The following WWOX variants were observed in gnomAD, a reference collection of about 807,000 sequenced individuals.
The protein encoded by WWOX is WW domain-containing oxidoreductase.
Under a neutral mutation model 46.2 loss-of-function variants are expected in WWOX, and 69 were observed. The ratio of observed to expected loss-of-function variants is 1.49; its 90% confidence interval spans 1.23 to 1.82. WWOX has a LOEUF of 1.82. WWOX is among the 40% of genes most tolerant of loss of function. The pLI, the probability that WWOX is intolerant of heterozygous loss-of-function variation, is 0.00. For synonymous variants in WWOX, 359 were observed against 202.6 expected (o/e 1.77, Z -6.56); for missense variants, 919 against 542.6 (o/e 1.69, Z -6.89).
chr16:78,290,856 A>G (rs1345080138), intron 5 of WWOX, among the ~76,000 whole-genome samples: 1 of 152,216 alleles, frequency 6.6e-6, no homozygotes, highest in Non-Finnish European at 1.5e-5. Flanking sequence ...AAATTCTTTC[A>G]TAGGAGAAAG....
chr16:78,404,520 T>G (rs1293765244), intron 6 of WWOX, among the ~76,000 whole-genome samples: 2 of 152,170 alleles, frequency 1.3e-5, no homozygotes. Flanking sequence ...CTTCTATTTG[T>G]ATGAATAATA....
intron 8 of WWOX, among the ~76,000 whole-genome samples, chr16:78,737,814 G>A (rs1386693952): frequency 6.6e-6 from 1 of 152,144 alleles, no homozygotes; most frequent in Non-Finnish European, 1.5e-5. Context: ...CAGAAGAGAA[G>A]CCTGTAAACT....
At chr16:78,926,472 G>A (rs1331132340) in intron 8 of WWOX, among the ~76,000 whole-genome samples, 2 of 152,172 alleles carry the variant, frequency 1.3e-5, no homozygotes, top group Admixed American at 6.5e-5. Flanking sequence ...CTGAGTTTGT[G>A]TCTATGGTTT....
At chr16:78,922,881 A>T (rs530145083) in intron 8 of WWOX, among the ~76,000 whole-genome samples, 1 of 152,340 alleles carries the variant, frequency 6.6e-6, no homozygotes, top group Admixed American at 6.5e-5. Context: ...CTTATTAATC[A>T]TACTAAAAAT....
chr16:78,310,508 G>A (rs1451353320), intron 5 of WWOX, among the ~76,000 whole-genome samples: 3 of 152,198 alleles, frequency 2.0e-5, no homozygotes, highest in Admixed American at 6.5e-5. Context: ...TCTAAAGGAC[G>A]TGCCATTGCA....
chr16:78,244,546 T>A (rs142106125), intron 5 of WWOX, among the ~76,000 whole-genome samples: 2,502 of 152,296 alleles, frequency 0.016, 59 homozygotes, highest in African/African-American at 0.053. Flanking sequence ...CTATTTTTAG[T>A]CACGTTGGCC....
chr16:79,044,959 A>G (rs925246629), intron 8 of WWOX, among the ~76,000 whole-genome samples: 2 of 152,214 alleles, frequency 1.3e-5, no homozygotes, highest in African/African-American at 4.8e-5. Context: ...GATAATGTGC[A>G]TAAAGATTTA....
intron 5 of WWOX, among the ~76,000 whole-genome samples, chr16:78,384,821 C>G (rs771644664): frequency 1.7e-4 from 26 of 152,184 alleles, no homozygotes; most frequent in Non-Finnish European, 3.4e-4. Flanking sequence ...AATTTCATCA[C>G]TTTCTACCAC....
At chr16:78,106,082 G>A (rs938627330) in intron 1 of WWOX, among the ~76,000 whole-genome samples, 8 of 152,084 alleles carry the variant, frequency 5.3e-5, no homozygotes, top group Non-Finnish European at 7.4e-5. Flanking sequence ...GATTACAGGC[G>A]TGAGCCACCG....
chr16:78,714,868 G>C (rs1383599644), intron 8 of WWOX, among the ~76,000 whole-genome samples: 2 of 152,192 alleles, frequency 1.3e-5, no homozygotes, highest in South Asian at 2.1e-4. Context: ...AAGCCAGAGA[G>C]AGATTGATAA....
chr16:78,844,720 C>T (rs774062314), intron 8 of WWOX, among the ~76,000 whole-genome samples: 1 of 152,214 alleles, frequency 6.6e-6, no homozygotes, highest in Non-Finnish European at 1.5e-5. Flanking sequence ...GGGCAACTGT[C>T]TGCCTTACAA....
chr16:78,968,209 C>T (rs1203783876), intron 8 of WWOX, among the ~76,000 whole-genome samples: 2 of 149,916 alleles, frequency 1.3e-5, no homozygotes, highest in South Asian at 2.1e-4. Context: ...CATGGCACAG[C>T]ACATGGACAT....
At chr16:78,549,601 C>T (rs902945744) in intron 8 of WWOX, among the ~76,000 whole-genome samples, 4 of 152,058 alleles carry the variant, frequency 2.6e-5, no homozygotes, top group Non-Finnish European at 5.9e-5. Flanking sequence ...ACCATTTGAT[C>T]GAAGAGCTCT....
intron 8 of WWOX, among the ~76,000 whole-genome samples, chr16:79,185,779 G>C (rs1343005385): frequency 1.3e-5 from 2 of 152,180 alleles, no homozygotes; most frequent in South Asian, 4.1e-4. Flanking sequence ...ATAAACGAGA[G>C]GGTGTGGTTC....
At chr16:79,091,709 A>G (rs1232889847) in intron 8 of WWOX, among the ~76,000 whole-genome samples, 1 of 151,838 alleles carries the variant, frequency 6.6e-6, no homozygotes, top group Non-Finnish European at 1.5e-5. Flanking sequence ...GGACTTTGCT[A>G]GATAAAAGTT....
intron 8 of WWOX, among the ~76,000 whole-genome samples, chr16:79,211,063 A>G (rs1456104700): frequency 2.0e-5 from 1 of 49,650 alleles, no homozygotes; most frequent in Non-Finnish European, 6.1e-5. Context: ...GTGTGCATTA[A>G]ATGTTTTAAC....
intron 8 of WWOX, among the ~76,000 whole-genome samples, chr16:78,747,260 C>T (rs574660159): frequency 8.1e-5 from 12 of 149,016 alleles, no homozygotes; most frequent in East Asian, 2.0e-4. Flanking sequence ...AGCACGATCT[C>T]GGCTCATTGC....
chr16:79,114,527 C>A (rs187172983), intron 8 of WWOX, among the ~76,000 whole-genome samples: 1 of 151,886 alleles, frequency 6.6e-6, no homozygotes, highest in Non-Finnish European at 1.5e-5. Context: ...GAACAGCAAG[C>A]ATTGCCATCC....
chr16:79,003,687 G>T (rs1238376481), intron 8 of WWOX, among the ~76,000 whole-genome samples: 1 of 152,158 alleles, frequency 6.6e-6, no homozygotes, highest in Admixed American at 6.5e-5. Flanking sequence ...TCAGCTCGTG[G>T]CTGCTCCAGC....
Sources: gnomAD v4.1 joint callset for allele counts (sites outside exome capture counted in the v4.1 genomes callset) on GRCh38, gnomAD v4.1.1 for gene constraint, MANE v1.5 for transcripts, NCBI Gene and HGNC (gene_info 2026-07-23, HGNC 2026-07-21) for gene names.